GRIK3: variants seen among roughly 807,000 people sequenced by gnomAD.
The protein encoded by GRIK3 is glutamate ionotropic receptor kainate type subunit 3.
Under a neutral mutation model 102.5 loss-of-function variants are expected in GRIK3, and 29 were observed. The ratio of observed to expected loss-of-function variants is 0.28; its 90% CI spans 0.21 to 0.39. The LOEUF (loss-of-function observed/expected upper bound fraction) is 0.39. Among genes scored for constraint, GRIK3 ranks in the 10% least tolerant of loss-of-function variants. GRIK3 has a pLI of 1.00. For synonymous variants in GRIK3, 511 were observed against 504.9 expected (o/e 1.01, Z -0.16); for missense variants, 908 against 1,252.4 (o/e 0.73, Z 4.15).
chr1:36,954,313 G>A (rs1482402155), intron 1 of GRIK3, among the ~76,000 whole-genome samples: 3 of 152,214 alleles, frequency 2.0e-5, no homozygotes, highest in Non-Finnish European at 4.4e-5. Flanking sequence ...TACCCCTGCT[G>A]CCTCTCCTGG....
rs369805397 is a variant in GRIK3 at position 36,953,902 on chromosome 1, GA to G, written c.116-62807del. ...CCTCAAATCAATGGCTTGATTGAGGGAAGCTGCCGGGAAAGGACAATTAGAG... is the reference window on the plus strand; with the variant it reads ...CCTCAAATCAATGGCTTGATTGAGGGAGCTGCCGGGAAAGGACAATTAGAG... On this transcript the variant is annotated intron_variant, in intron 1 of 15. Transcript: ENST00000373091. 3.0e-3 allele frequency among the ~76,000 whole-genome samples: 459 copies of G among 152,278 alleles called. 5 individuals are homozygous for G. Among genetic ancestry groups the G allele is most frequent in the African/African-American group, 0.011 (442 of 41,554 alleles).
At chr1:36,892,697 G>A (rs540869471) in intron 1 of GRIK3, among the ~76,000 whole-genome samples, 2 of 152,210 alleles carry the variant, frequency 1.3e-5, no homozygotes, top group African/African-American at 2.4e-5. Flanking sequence ...ACTCTAAAAT[G>A]TATCTGGAAG....
intron 1 of GRIK3, among the ~76,000 whole-genome samples, chr1:36,942,580 A>T (rs1426816546): frequency 6.6e-6 from 1 of 151,870 alleles, no homozygotes; most frequent in African/African-American, 2.4e-5. Flanking sequence ...CCCCACCTCC[A>T]CCCTTTGACC....
At chr1:37,016,941 G>T (rs999377777) in intron 1 of GRIK3, among the ~76,000 whole-genome samples, 2 of 152,104 alleles carry the variant, frequency 1.3e-5, no homozygotes, top group Non-Finnish European at 2.9e-5. Context: ...AGGGCCAGGC[G>T]CGGTGGCTCA....
Position 36,850,844 on chromosome 1 carries a change from A to G in GRIK3, c.1213-420T>C, listed in dbSNP as rs1640576760. ...GTCTTTGTGGCTGTTTTGGGGTGGC[A>G]GCACAAGGAGGGGATGGACCTCACT... On this transcript the variant is annotated intron_variant, in intron 8 of 15. Transcript: ENST00000373091. The surrounding 1 kb of genome is among the most constrained non-coding windows in gnomAD (Gnocchi z 4.0). Among the ~76,000 whole-genome samples, 1 of 152,204 alleles carries G rather than the reference A, an allele frequency of 6.6e-6. No individual in the cohort carries two copies. Among genetic ancestry groups the G allele is most frequent in the African/African-American group, 2.4e-5 (1 of 41,454 alleles).
intron 1 of GRIK3, among the ~76,000 whole-genome samples, chr1:37,019,506 A>G (rs1035338237): frequency 6.6e-6 from 1 of 152,184 alleles, no homozygotes; most frequent in Admixed American, 6.5e-5. Flanking sequence ...TACATACTGA[A>G]ATGTTCAAGG....
intron 1 of GRIK3, among the ~76,000 whole-genome samples, chr1:36,921,285 C>G (rs1641467938): frequency 6.6e-6 from 1 of 152,244 alleles, no homozygotes; most frequent in Non-Finnish European, 1.5e-5. Flanking sequence ...CGCAGAGGTT[C>G]AGATCCCAGC....
At position 36,872,894 on chromosome 1, in the gene GRIK3, C is replaced by T. The variant is rs995801145; in HGVS notation, c.551-525G>A. Among the ~76,000 whole-genome samples the T allele has an allele frequency of 6.6e-6, 1 of 152,256 alleles. No individual in the cohort carries two copies. The highest frequency in any genetic ancestry group is 1.5e-5 in the Non-Finnish European group (1 of 68,048). On this transcript the variant is annotated intron_variant, in intron 3 of 15. Transcript: ENST00000373091. The surrounding 1 kb of genome is among the most constrained non-coding windows in gnomAD (Gnocchi z 5.9). ...TATGGGCACAAAAGGCAGCTCCAGC[C>T]TCAGTGGTACTAACCTGTACCAACC... is the stretch of plus-strand genomic sequence containing the variant.
chr1:36,873,806 C>T (rs1278731196), intron 3 of GRIK3, among the ~76,000 whole-genome samples: 2 of 152,212 alleles, frequency 1.3e-5, no homozygotes, highest in East Asian at 3.8e-4. Flanking sequence ...ATACCATTGA[C>T]TCTCAGAAAC....
At position 37,034,440 on chromosome 1, in the gene GRIK3, C is replaced by T. The variant is rs902371266; in HGVS notation, c.-332G>A. 6.6e-5 allele frequency among the ~76,000 whole-genome samples: 10 copies of T among 151,292 alleles called. No individual in the cohort carries two copies. The highest frequency in any genetic ancestry group is 2.4e-4 in the African/African-American group (10 of 41,428). Reference sequence around the variant, plus strand: ...GCTCCCACCTGCCCCGGCTGCCGGGCTCTGGCGGGCGGGCTGCACGCGTCT... The same window carrying T: ...GCTCCCACCTGCCCCGGCTGCCGGGTTCTGGCGGGCGGGCTGCACGCGTCT... On this transcript the variant is annotated 5_prime_UTR_variant, in exon 1 of 16. Transcript: ENST00000373091.
At chr1:36,977,355 G>T (rs1353054458) in intron 1 of GRIK3, among the ~76,000 whole-genome samples, 1 of 152,162 alleles carries the variant, frequency 6.6e-6, no homozygotes, top group African/African-American at 2.4e-5. Flanking sequence ...GTTCTGAGAA[G>T]TTCTGGATAA....
intron 2 of GRIK3, among the ~76,000 whole-genome samples, chr1:36,882,293 C>T (rs1220922755): frequency 6.6e-6 from 1 of 152,110 alleles, no homozygotes; most frequent in African/African-American, 2.4e-5. Flanking sequence ...TGCAGAGGTC[C>T]AAAAACTCAG....
In GRIK3 at chr1:36,801,139, A is replaced by C. The variant is rs895377222; in HGVS notation, c.*712T>G. ...ACTTATATTCTTAGAGACCTCCTAGAGGATTAGGAACCACTGGGTCATTGT... is the reference window on the plus strand; with the variant it reads ...ACTTATATTCTTAGAGACCTCCTAGCGGATTAGGAACCACTGGGTCATTGT... On this transcript the variant is annotated 3_prime_UTR_variant, in exon 16 of 16. Transcript: ENST00000373091. The C allele has an allele frequency of 2.0e-5, 3 of 152,218 alleles. No individual in the cohort carries two copies. The highest frequency in any genetic ancestry group is 7.2e-5 in the African/African-American group (3 of 41,448). The allele number at this position is 152,218 out of a possible 1,614,324, so 9.4% of individuals were successfully genotyped here.
chr1:36,889,660 G>T (rs1005137924), intron 2 of GRIK3, among the ~76,000 whole-genome samples: 5 of 152,118 alleles, frequency 3.3e-5, no homozygotes, highest in Non-Finnish European at 7.3e-5. Context: ...CATAGGGCAG[G>T]ACTATAATTT....
At position 36,859,943 on chromosome 1, in the gene GRIK3, C is replaced by A; in HGVS notation, c.861G>T (p.Val287=). 6.2e-7 allele frequency: 1 copy of A among 1,613,610 alleles called. No homozygotes were observed. Among genetic ancestry groups the A allele is most frequent in the Non-Finnish European group, 8.5e-7 (1 of 1,179,670 alleles). Residue 287 remains valine (V), a synonymous_variant, in exon 6 of 16, where the codon GTG becomes GTT. Transcript: ENST00000373091. ...VNLTGFRILN[V]DNPHVSAIVE... ...CAATGGCCGAGACGTGTGGGTTGTC[C>A]ACATTGAGAATCCGGAATCCTGTCA...
chr1:36,832,793 G>A lies in GRIK3; in HGVS notation c.1531-6967C>T, dbSNP rs548513358. Among the ~76,000 whole-genome samples, 26 of 152,274 alleles carry A rather than the reference G, an allele frequency of 1.7e-4. No homozygotes were observed. In the South Asian group the frequency reaches 3.1e-3, roughly 18 times the overall value. ...CCAGGTTGGAGGCACCATGGACTCC[G>A]TGTCCCTTCAGTCAAGTTCTCTCCC... is the stretch of plus-strand genomic sequence containing the variant. On this transcript the variant is annotated intron_variant, in intron 10 of 15. Coordinates refer to ENST00000373091, the MANE Select transcript of GRIK3 (RefSeq NM_000831.4).
rs1280724936 is a variant in GRIK3 at position 36,797,207 on chromosome 1, GGTTCTGTACACTCCGT to G, written c.*4628_*4643del. The G allele has an allele frequency of 6.6e-6, 1 of 151,798 alleles. No individual in the cohort carries two copies. The highest frequency in any genetic ancestry group is 1.5e-5 in the Non-Finnish European group (1 of 67,992). The allele number at this position is 151,798 out of a possible 1,614,324, so 9.4% of individuals were successfully genotyped here. A position where few individuals can be genotyped will look rare whatever the true frequency, so the allele number is the denominator to read the frequency against. On this transcript the variant is annotated 3_prime_UTR_variant, in exon 16 of 16. Coordinates refer to ENST00000373091, the MANE Select transcript of GRIK3 (RefSeq NM_000831.4). The stretch of plus-strand genomic sequence containing the variant: ...ATCTGGTCCTCACCCGTGCTGGCTG[GGTTCTGTACACTCCGT>G]GTGCAGACGTGCAGGAAAGGGTTGT...
At position 36,919,875 on chromosome 1, in the gene GRIK3, A is replaced by G. The variant is rs377045656; in HGVS notation, c.116-28779T>C. The stretch of plus-strand genomic sequence containing the variant: ...ATCCTCATCTTCAGGAGAGAGGTGC[A>G]TGGTGTGGGGGAAGAGGAAGATGCT... On this transcript the variant is annotated intron_variant, in intron 1 of 15. Coordinates refer to ENST00000373091, the MANE Select transcript of GRIK3 (RefSeq NM_000831.4). Among the ~76,000 whole-genome samples, 365 of 152,270 alleles carry G rather than the reference A, an allele frequency of 2.4e-3. 1 individual carries two copies. Among genetic ancestry groups the G allele is most frequent in the African/African-American group, 8.6e-3 (356 of 41,558 alleles).
intron 1 of GRIK3, among the ~76,000 whole-genome samples, chr1:36,948,231 C>T (rs926546793): frequency 6.6e-6 from 1 of 152,224 alleles, no homozygotes; most frequent in African/African-American, 2.4e-5. Context: ...TTTTCTGAAA[C>T]TTGCCTGCTC....
Sources: allele counts gnomAD v4.1 joint callset (sites outside exome capture counted in the v4.1 genomes callset), GRCh38; gene constraint gnomAD v4.1.1; non-coding constraint Gnocchi (gnomAD v3.1); transcripts MANE v1.5; gene names NCBI Gene and HGNC (gene_info 2026-07-23, HGNC 2026-07-21).